UBE2O: variants seen among roughly 807,000 people sequenced by gnomAD.
The protein encoded by UBE2O is (E3-independent) E2 ubiquitin-conjugating enzyme.
Under a neutral mutation model 125.8 loss-of-function variants are expected in UBE2O, and 15 were observed. The observed-to-expected ratio is 0.12, with a 90% CI of 0.08 to 0.18. The LOEUF (loss-of-function observed/expected upper bound fraction) is 0.18, where lower values mean the gene tolerates loss of function less well. UBE2O is among the 10% of genes least tolerant of loss of function. UBE2O has a pLI of 1.00. For synonymous variants in UBE2O, 708 were observed against 703.2 expected (o/e 1.01, Z -0.11); for missense variants, 1,280 against 1,723.6 (o/e 0.74, Z 4.56).
chr17:76,400,338 T>C lies in UBE2O; in HGVS notation c.1005-41A>G. 1 of 1,606,920 alleles carries C rather than the reference T, an allele frequency of 6.2e-7. No homozygotes were observed. Among genetic ancestry groups the C allele is most frequent in the Non-Finnish European group, 8.5e-7 (1 of 1,175,136 alleles). On this transcript the variant is annotated intron_variant, in intron 7 of 17. Coordinates refer to ENST00000319380, the MANE Select transcript of UBE2O (RefSeq NM_022066.4). This position sits in a 1 kb window ranked among gnomAD's most constrained non-coding sequence, Gnocchi z 4.3. The stretch of plus-strand genomic sequence containing the variant: ...GTGGGGGTGAGCTGGGCTGGACTCC[T>C]GGGAGGCCAGCAGTGTTCTTAAGCC...
rs74368909 is a variant in UBE2O at position 76,414,061 on chromosome 17, G to A, written c.418-8489C>T. On this transcript the variant is annotated intron_variant, in intron 1 of 17. Coordinates refer to ENST00000319380, the MANE Select transcript of UBE2O (RefSeq NM_022066.4). ...TCATGTGGCTGAGCCCTGATAACCCGGCAATCAGCTCACTGCCCACCTGAG... is the reference window on the plus strand; with the variant it reads ...TCATGTGGCTGAGCCCTGATAACCCAGCAATCAGCTCACTGCCCACCTGAG... Among the ~76,000 whole-genome samples, 73 of 152,286 alleles carry A rather than the reference G, an allele frequency of 4.8e-4. 2 individuals are homozygous for A. The East Asian group carries it at 0.014, about 29-fold the overall frequency.
At chr17:76,420,375 A>G (rs1447707843) in intron 1 of UBE2O, among the ~76,000 whole-genome samples, 2 of 152,128 alleles carry the variant, frequency 1.3e-5, no homozygotes, top group African/African-American at 4.8e-5. Flanking sequence ...AGGGGGGCCT[A>G]TCTTCCCACA....
At chr17:76,406,706 T>G (rs1371719860) in intron 1 of UBE2O, among the ~76,000 whole-genome samples, 1 of 137,726 alleles carries the variant, frequency 7.3e-6, no homozygotes, top group Non-Finnish European at 1.6e-5. Context: ...TTTTTTTTTT[T>G]TTTTTTTTTT....
chr17:76,425,642 T>A (rs2072799595), intron 1 of UBE2O, among the ~76,000 whole-genome samples: 1 of 152,220 alleles, frequency 6.6e-6, no homozygotes, highest in Non-Finnish European at 1.5e-5. Flanking sequence ...CTGCATTAAT[T>A]GAAAAATCTA....
chr17:76,451,777 GGGGTGTGTGTGTGT>G (rs2073248593), intron 1 of UBE2O, among the ~76,000 whole-genome samples: 1 of 111,724 alleles, frequency 9.0e-6, no homozygotes, highest in Non-Finnish European at 1.9e-5. Flanking sequence ...GAGATACAGG[GGGGTGTGTGTGTGT>G]GTGTGTGTGT....
chr17:76,430,933 G>A (rs958303526), intron 1 of UBE2O: 4 of 385,352 alleles, frequency 1.0e-5, no homozygotes, highest in Non-Finnish European at 1.5e-5. Context: ...TTTCAGTTCT[G>A]TACATCTGCC....
intron 1 of UBE2O, among the ~76,000 whole-genome samples, chr17:76,426,128 G>A (rs530626298): frequency 4.6e-5 from 7 of 152,144 alleles, no homozygotes; most frequent in Admixed American, 1.3e-4. Flanking sequence ...TCAGCCTCCT[G>A]AGTAGCTGGG....
At position 76,399,012 on chromosome 17, in the gene UBE2O, G is replaced by A; in HGVS notation, c.1629-21C>T. On this transcript the variant is annotated intron_variant, in intron 9 of 17. Coordinates refer to ENST00000319380, the MANE Select transcript of UBE2O (RefSeq NM_022066.4). The surrounding 1 kb of genome is among the most constrained non-coding windows in gnomAD (Gnocchi z 6.9). ...CCACCCTGCGGGTGCAGGCCAGTCA[G>A]CAGGCCATGCAAACCCCACCCCCTC... 6.2e-7 allele frequency: 1 copy of A among 1,611,686 alleles called. No homozygotes were observed. The highest frequency in any genetic ancestry group is 1.3e-5 in the African/African-American group (1 of 75,048).
chr17:76,450,367 T>A (rs1451872864), intron 1 of UBE2O, among the ~76,000 whole-genome samples: 1 of 152,080 alleles, frequency 6.6e-6, no homozygotes, highest in African/African-American at 2.4e-5. Context: ...CAGAGCTACC[T>A]ATCAGGTATA....
chr17:76,415,067 C>T (rs915921895), intron 1 of UBE2O, among the ~76,000 whole-genome samples: 9 of 152,156 alleles, frequency 5.9e-5, no homozygotes, highest in Admixed American at 1.3e-4. Flanking sequence ...CCAGTGGCCC[C>T]GGACTGCTCC....
rs1358301066 is a variant in UBE2O at position 76,404,833 on chromosome 17, C to T, written c.588+373G>A. On this transcript the variant is annotated intron_variant, in intron 3 of 17. Transcript: ENST00000319380. The surrounding 1 kb of genome is among the most constrained non-coding windows in gnomAD (Gnocchi z 4.3). ...AGCAAACGAAGTGAAATCTTAACAG[C>T]TGAGGAACCTGGATGGAGGGACACA... 6.6e-6 allele frequency among the ~76,000 whole-genome samples: 1 copy of T among 151,930 alleles called. No homozygotes were observed. The highest frequency in any genetic ancestry group is 6.6e-5 in the Admixed American group (1 of 15,252).
At chr17:76,433,288 G>A (rs907543714) in intron 1 of UBE2O, among the ~76,000 whole-genome samples, 4 of 150,150 alleles carry the variant, frequency 2.7e-5, no homozygotes, top group African/African-American at 9.9e-5. Context: ...ACTGATACAT[G>A]CTACAACATG....
In UBE2O at chr17:76,395,932, A is replaced by G. The variant is rs1394439221; in HGVS notation, c.2810-71T>C. The G allele has an allele frequency of 1.9e-6, 3 of 1,591,194 alleles. No homozygotes were observed. Among genetic ancestry groups the G allele is most frequent in the Non-Finnish European group, 2.6e-6 (3 of 1,165,446 alleles). On this transcript the variant is annotated intron_variant, in intron 14 of 17. Coordinates refer to ENST00000319380, the MANE Select transcript of UBE2O (RefSeq NM_022066.4). The surrounding 1 kb of genome is among the most constrained non-coding windows in gnomAD (Gnocchi z 5.0). ...GAGCTCCATCTGCCAACCTGGCTGGACAGGTGAGCACACCCACAGACTTCC... is the reference window on the plus strand; with the variant it reads ...GAGCTCCATCTGCCAACCTGGCTGGGCAGGTGAGCACACCCACAGACTTCC...
chr17:76,450,278 CT>C (rs1251906309), intron 1 of UBE2O, among the ~76,000 whole-genome samples: 1 of 152,148 alleles, frequency 6.6e-6, no homozygotes, highest in Non-Finnish European at 1.5e-5. Context: ...AGGACCCACC[CT>C]ACCACCCTGC....
In UBE2O at chr17:76,398,843, T is replaced by C. The variant is rs1252473595; in HGVS notation, c.1777A>G (p.Lys593Glu). Residue 593 changes from lysine to glutamate, a missense_variant, in exon 10 of 18, where the codon AAG becomes GAG. Physicochemically the swap from Lys to Glu is moderately conservative, Grantham distance 56. Around this residue, in one of 10 missense-constraint regions of UBE2O, gnomAD observed 145 missense variants for 219.6 expected, o/e 0.66. Coordinates refer to ENST00000319380, the MANE Select transcript of UBE2O (RefSeq NM_022066.4). The surrounding 1 kb of genome is among the most constrained non-coding windows in gnomAD (Gnocchi z 5.4). ...EFCPGDFVVD[K>E]RVQSCPDPAV... is the part of the protein sequence containing the mutation. Reference sequence around the variant, plus strand: ...CTTCCAGAGCTGGCACTACCTCGCTTATCTACCACGAAGTCTCCAGGGCAG... The same window carrying C: ...CTTCCAGAGCTGGCACTACCTCGCTCATCTACCACGAAGTCTCCAGGGCAG... 6.2e-7 allele frequency: 1 copy of C among 1,613,760 alleles called. No homozygotes were observed. Among genetic ancestry groups the C allele is most frequent in the Non-Finnish European group, 8.5e-7 (1 of 1,179,828 alleles).
intron 1 of UBE2O, among the ~76,000 whole-genome samples, chr17:76,416,005 A>G (rs868042121): frequency 1.4e-5 from 2 of 138,978 alleles, no homozygotes; most frequent in East Asian, 1.9e-4. Flanking sequence ...GTATATACGT[A>G]TGTGTATACA....
chr17:76,398,761 C>A lies in UBE2O; in HGVS notation c.1783+76G>T. The A allele has an allele frequency of 3.8e-6, 6 of 1,563,476 alleles. No homozygotes were observed. The highest frequency in any genetic ancestry group is 5.2e-6 in the Non-Finnish European group (6 of 1,149,928). On this transcript the variant is annotated intron_variant, in intron 10 of 17. Transcript: ENST00000319380. This position sits in a 1 kb window ranked among gnomAD's most constrained non-coding sequence, Gnocchi z 5.4. ...TTTAGCTCTGACCCCAGATCCACTG[C>A]CCATTCTCCACAAGCCCCAACCCGG...
chr17:76,448,783 G>A (rs1338727475), intron 1 of UBE2O, among the ~76,000 whole-genome samples: 2 of 152,262 alleles, frequency 1.3e-5, no homozygotes, highest in Non-Finnish European at 2.9e-5. Context: ...GACCCACCAC[G>A]TCTAGCCAGT....
chr17:76,423,896 CTTTTTTTTT>C (rs746126675), intron 1 of UBE2O, among the ~76,000 whole-genome samples: 29 of 83,506 alleles, frequency 3.5e-4, no homozygotes, highest in African/African-American at 1.3e-3. Flanking sequence ...AGGTTGGGTT[CTTTTTTTTT>C]TTTTTTTTTT....
Sources: gnomAD v4.1 joint callset for allele counts (sites outside exome capture counted in the v4.1 genomes callset) on GRCh38, gnomAD v4.1.1 for gene constraint, gnomAD v4.1.1 regional missense constraint, Gnocchi (gnomAD v3.1) non-coding constraint, MANE v1.5 for transcripts, NCBI Gene and HGNC (gene_info 2026-07-23, HGNC 2026-07-21) for gene names.